Variants in ZNF236 observed in about 807,000 individuals in gnomAD.
The protein encoded by ZNF236 is zinc finger protein 236, also known as regulated by glucose.
In ZNF236, 50 loss-of-function variants were observed where a neutral mutation model predicts 191.2. The ratio of observed to expected loss-of-function variants is 0.26; its 90% confidence interval spans 0.21 to 0.33. The LOEUF is 0.33. Ranked by LOEUF, ZNF236 falls within the 10% of genes least tolerant of loss-of-function variation. The pLI, the probability that ZNF236 is intolerant of heterozygous loss-of-function variation, is 1.00. For missense variants in ZNF236, 1,754 were observed against 2,374.5 expected, an observed-to-expected ratio of 0.74 and a Z score of 5.43; for synonymous variants, 907 against 928.8, an observed-to-expected ratio of 0.98 and a Z score of 0.43.
chr18:76,897,342 A>G (rs371758361), intron 10 of ZNF236, among the ~76,000 whole-genome samples: 1 of 151,700 alleles, frequency 6.6e-6, no homozygotes, highest in African/African-American at 2.4e-5. Context: ...ATGCTACCAA[A>G]CACAGTAATA....
chr18:76,851,671 A>G, intron 2 of ZNF236, 104 bp from the exon 3 acceptor site: 6 of 1,273,992 alleles, frequency 4.7e-6, no homozygotes, highest in Non-Finnish European at 6.3e-6. Context: ...AAGTTTCTGT[A>G]GATTGTCTGT....
intron 3 of ZNF236, among the ~76,000 whole-genome samples, chr18:76,854,130 T>C (rs1975970496): frequency 1.3e-5 from 2 of 152,174 alleles, no homozygotes; most frequent in African/African-American, 4.8e-5. Context: ...ATTTAGCCAT[T>C]CCTCAGCATA....
At chr18:76,937,655 T>C (rs1408166978) in intron 26 of ZNF236, among the ~76,000 whole-genome samples, 2 of 152,212 alleles carry the variant, frequency 1.3e-5, no homozygotes, top group African/African-American at 4.8e-5. Flanking sequence ...TACATAGTTA[T>C]AAATTTCTGC....
At chr18:76,834,228 T>A (rs900689802) in intron 1 of ZNF236, among the ~76,000 whole-genome samples, 1 of 152,088 alleles carries the variant, frequency 6.6e-6, no homozygotes, top group African/African-American at 2.4e-5. Context: ...CTTTTTCTTA[T>A]TTTTTTCTTA....
intron 1 of ZNF236, among the ~76,000 whole-genome samples, chr18:76,839,828 A>G (rs184394139): frequency 6.8e-4 from 103 of 152,252 alleles, no homozygotes; most frequent in Non-Finnish European, 1.2e-3. Context: ...CACAAATTGT[A>G]TGTTTGTAGA....
At chr18:76,863,844 T>G (rs1976317749) in intron 3 of ZNF236, among the ~76,000 whole-genome samples, 2 of 152,168 alleles carry the variant, frequency 1.3e-5, no homozygotes, top group South Asian at 4.1e-4. Context: ...CTGAAAGATC[T>G]CCAAACAGAA....
In ZNF236 at chr18:76,925,467, A is replaced by G; in HGVS notation, c.3940A>G (p.Asn1314Asp). Residue 1314 changes from asparagine (N) to aspartate (D), a missense_variant, in exon 22 of 31, where the codon AAC becomes GAC. Asn to Asp is a conservative substitution (Grantham distance 23). Coordinates refer to ENST00000320610, the MANE Select transcript of ZNF236 (RefSeq NM_001306089.2). This position sits in a 1 kb window ranked among gnomAD's most constrained non-coding sequence, Gnocchi z 5.7. ...SSTDPNVFIM[N>D]NSVLTGQFDQ... ...TACTGACCCAAACGTGTTTATCATG[A>G]ACAACTCTGTTCTAACAGGACAGTT... 1 of 1,614,204 alleles carries G rather than the reference A, an allele frequency of 6.2e-7. No individual in the cohort carries two copies. Among genetic ancestry groups the G allele is most frequent in the African/African-American group, 1.3e-5 (1 of 75,050 alleles).
Position 76,881,414 on chromosome 18 carries a change from A to G in ZNF236, c.1319A>G (p.Asp440Gly). Residue 440 changes from aspartate to glycine, a missense_variant, in exon 9 of 31, where the codon GAC becomes GGC. Coordinates refer to ENST00000320610, the MANE Select transcript of ZNF236 (RefSeq NM_001306089.2). ...DVSSVSNEQT[D>G]PTDAEQEKEQ... The stretch of plus-strand genomic sequence containing the variant: ...TCCAGCGTTTCAAATGAGCAGACGG[A>G]CCCCACAGACGCAGAGCAAGAAAAA... 1 of 1,614,096 alleles carries G rather than the reference A, an allele frequency of 6.2e-7. No individual in the cohort carries two copies. The highest frequency in any genetic ancestry group is 2.2e-5 in the East Asian group (1 of 44,872).
chr18:76,875,354 G>C lies in ZNF236; in HGVS notation c.668-138G>C, dbSNP rs1448139243. Reference sequence around the variant, plus strand: ...ATTTTGAGATTTAAAGTAGACACTTGTATATATGCATCTAGAGTTCTGGGG... The same window carrying C: ...ATTTTGAGATTTAAAGTAGACACTTCTATATATGCATCTAGAGTTCTGGGG... On this transcript the variant is annotated intron_variant, in intron 5 of 30. Transcript: ENST00000320610. This position sits in a 1 kb window ranked among gnomAD's most constrained non-coding sequence, Gnocchi z 4.3. 2.8e-6 allele frequency: 2 copies of C among 705,880 alleles called. No homozygotes were observed. The highest frequency in any genetic ancestry group is 4.2e-6 in the Non-Finnish European group (2 of 481,560). 43.7% of individuals were successfully genotyped at this position (705,880 alleles called of 1,614,324 possible).
intron 2 of ZNF236, among the ~76,000 whole-genome samples, chr18:76,850,193 T>C (rs1975817401): frequency 6.6e-6 from 1 of 152,198 alleles, no homozygotes; most frequent in South Asian, 2.1e-4. Context: ...TCCTGATAGA[T>C]GGAAAGTGAC....
chr18:76,835,919 T>C (rs1269024243), intron 1 of ZNF236, among the ~76,000 whole-genome samples: 1 of 152,214 alleles, frequency 6.6e-6, no homozygotes, highest in African/African-American at 2.4e-5. Flanking sequence ...TACATTCTTT[T>C]TTTTTTGAGA....
In ZNF236 at chr18:76,908,369, G is replaced by C. The variant is rs1326197276; in HGVS notation, c.2347G>C (p.Asp783His). ...ACAGCATCAGCAGGCAGCCTCGATAGATGACAGCACTGTAGACCAGCAGAG... is the reference window on the plus strand; with the variant it reads ...ACAGCATCAGCAGGCAGCCTCGATACATGACAGCACTGTAGACCAGCAGAG... ...LQQHQQAASIDDSTVDQQSMQ... is the reference protein window; with the variant it reads ...LQQHQQAASIHDSTVDQQSMQ... Residue 783 changes from aspartate (D) to histidine (H), a missense_variant, in exon 14 of 31, where the codon GAT becomes CAT. By Grantham distance (81) the Asp-to-His change is moderately conservative. This residue lies in a region of ZNF236 where 641 missense variants were observed against 869.6 expected (regional missense o/e 0.74). Transcript: ENST00000320610. 9.3e-6 allele frequency: 15 copies of C among 1,614,206 alleles called. No individual in the cohort carries two copies. The highest frequency in any genetic ancestry group is 1.3e-5 in the Non-Finnish European group (15 of 1,180,042).
At chr18:76,906,914 T>C (rs1346277341) in intron 13 of ZNF236, among the ~76,000 whole-genome samples, 1 of 152,214 alleles carries the variant, frequency 6.6e-6, no homozygotes, top group African/African-American at 2.4e-5. Flanking sequence ...ATACCACATA[T>C]ACTCATGCTA....
intron 14 of ZNF236, 144 bp downstream of exon 14, chr18:76,908,717 G>A (rs1967128490): frequency 1.9e-6 from 2 of 1,040,880 alleles, no homozygotes; most frequent in East Asian, 4.9e-5. Context: ...TTGAGTATTT[G>A]ATATCATTCC....
intron 21 of ZNF236, among the ~76,000 whole-genome samples, chr18:76,923,907 C>T (rs1443715424): frequency 6.6e-6 from 1 of 152,116 alleles, no homozygotes. Flanking sequence ...AATGGATTGG[C>T]CTGTGGTAAA....
At chr18:76,933,654 A>C (rs1164271104) in intron 25 of ZNF236, among the ~76,000 whole-genome samples, 2 of 152,166 alleles carry the variant, frequency 1.3e-5, no homozygotes, top group Non-Finnish European at 2.9e-5. Flanking sequence ...TTAATGTGAT[A>C]TCGGCTATTC....
At chr18:76,887,562 A>C (rs1454456519) in intron 9 of ZNF236, 1 of 152,186 alleles carries the variant, frequency 6.6e-6, no homozygotes, top group Admixed American at 6.5e-5. Flanking sequence ...GTCTGTTCTC[A>C]TGCTTATAAT....
At chr18:76,825,966 G>T (rs555630719) in intron 1 of ZNF236, among the ~76,000 whole-genome samples, 1 of 152,294 alleles carries the variant, frequency 6.6e-6, no homozygotes, top group South Asian at 2.1e-4. Context: ...GAGGGACATT[G>T]CTCTATCACT....
Position 76,908,391 on chromosome 18 carries a change from A to C in ZNF236, c.2369A>C (p.Gln790Pro). 1 of 1,614,234 alleles carries C rather than the reference A, an allele frequency of 6.2e-7. No individual in the cohort carries two copies. The highest frequency in any genetic ancestry group is 8.5e-7 in the Non-Finnish European group (1 of 1,180,044). The change falls in exon 14 of 31, where the codon CAG becomes CCG. Residue 790 changes from glutamine to proline, a missense_variant. This residue lies in a region of ZNF236 where 641 missense variants were observed against 869.6 expected (regional missense o/e 0.74). Coordinates refer to ENST00000320610, the MANE Select transcript of ZNF236 (RefSeq NM_001306089.2). ...ATAGATGACAGCACTGTAGACCAGC[A>C]GAGCATGCAGGCCTCCACTCAAATG... ...ASIDDSTVDQ[Q>P]SMQASTQMQV... is the part of the protein sequence containing the mutation.
Sources: allele counts gnomAD v4.1 joint callset (sites outside exome capture counted in the v4.1 genomes callset), GRCh38; gene constraint gnomAD v4.1.1; regional missense constraint gnomAD v4.1.1; non-coding constraint Gnocchi (gnomAD v3.1); transcripts MANE v1.5; gene names NCBI Gene and HGNC (gene_info 2026-07-23, HGNC 2026-07-21).